The following MAP4 variants were observed in gnomAD, a reference collection of about 807,000 sequenced individuals.
MAP4 encodes the protein microtubule associated protein 4.
In MAP4, 76 loss-of-function variants were observed where a neutral mutation model predicts 170.2. The observed-to-expected ratio is 0.45, with a 90% confidence interval of 0.37 to 0.54. MAP4 has a LOEUF of 0.54. Ranked by LOEUF, MAP4 falls within the 20% of genes least tolerant of loss-of-function variation. MAP4 has a pLI of 0.00. For missense variants in MAP4, 2,506 were observed against 2,748.0 expected (o/e 0.91, Z 1.97); for synonymous variants, 909 against 994.5 (o/e 0.91, Z 1.62).
At chr3:47,888,447 C>A (rs1048554066) in intron 10 of MAP4, among the ~76,000 whole-genome samples, 1 of 152,084 alleles carries the variant, frequency 6.6e-6, no homozygotes. Flanking sequence ...ACAAACCCAC[C>A]GGGAGGAACG....
chr3:47,891,065 T>G (rs546497150), intron 10 of MAP4: 26 of 1,523,834 alleles, frequency 1.7e-5, no homozygotes, highest in Non-Finnish European at 2.2e-5. Context: ...TGGAGTGCTC[T>G]GGGTTGCAGT....
rs765950415 is a variant in MAP4 at position 47,853,318 on chromosome 3, G to C, written c.6731C>G (p.Pro2244Arg). Residue 2244 changes from proline (P) to arginine (R), a missense_variant, in exon 20 of 21, where the codon CCG (proline) becomes CGG (arginine). By Grantham distance (103) the Pro-to-Arg change is moderately radical. Coordinates refer to ENST00000683076, the MANE Select transcript of MAP4 (RefSeq NM_001385682.1). ...EGGGSEAPLC[P>R]GPPAGEEPAI... ...CGGCTCCTCCCCAGCAGGGGGACCCGGACACAGAGGAGCCTCGCTGCCACC... is the reference window on the plus strand; with the variant it reads ...CGGCTCCTCCCCAGCAGGGGGACCCCGACACAGAGGAGCCTCGCTGCCACC... The C allele has an allele frequency of 9.3e-6, 15 of 1,610,572 alleles. No individual in the cohort carries two copies. Among genetic ancestry groups the C allele is most frequent in the Non-Finnish European group, 1.3e-5 (15 of 1,179,490 alleles).
rs765335697 is a variant in MAP4, at chr3:47,916,130, A to T, written c.1697T>A (p.Leu566Gln). ...TTTGGCTGGAGTCACATTGTTGGCC[A>T]GGGTCAGAACCCCATCCTTAGCCAG... Reference protein sequence around the residue: ...APLAKDGVLTLANNVTPAKDV... With the variant: ...APLAKDGVLTQANNVTPAKDV... Residue 566 changes from leucine (L) to glutamine (Q), a missense_variant, in exon 7 of 21, where the codon CTG becomes CAG. Coordinates refer to ENST00000683076, the MANE Select transcript of MAP4 (RefSeq NM_001385682.1). 9 of 1,614,090 alleles carry T rather than the reference A, an allele frequency of 5.6e-6. No individual in the cohort carries two copies. Among genetic ancestry groups the T allele is most frequent in the Non-Finnish European group, 7.6e-6 (9 of 1,180,050 alleles).
At chr3:48,051,088 AT>A (rs2100127552) in intron 1 of MAP4, among the ~76,000 whole-genome samples, 1 of 148,184 alleles carries the variant, frequency 6.7e-6, no homozygotes, top group Non-Finnish European at 1.5e-5. Flanking sequence ...AAACCATTCA[AT>A]TTCCACACAC....
chr3:47,858,029 T>TC (rs2059495422), intron 17 of MAP4, among the ~76,000 whole-genome samples: 2 of 150,312 alleles, frequency 1.3e-5, no homozygotes, highest in Admixed American at 1.3e-4. Flanking sequence ...CACTTTTTTT[T>TC]TTTTTTTTTT....
At chr3:47,919,887 A>C (rs1176088217) in intron 5 of MAP4, among the ~76,000 whole-genome samples, 1 of 151,782 alleles carries the variant, frequency 6.6e-6, no homozygotes, top group African/African-American at 2.4e-5. Flanking sequence ...ACATTAGAAG[A>C]CAATTTTATT....
At chr3:48,076,680 G>A (rs150870968) in intron 1 of MAP4, among the ~76,000 whole-genome samples, 139 of 151,780 alleles carry the variant, frequency 9.2e-4, no homozygotes, top group African/African-American at 3.3e-3. Context: ...CCCTGTCTCG[G>A]AAAGAAGAAA....
At chr3:47,890,367 C>T (rs1488650950) in intron 10 of MAP4, among the ~76,000 whole-genome samples, 2 of 152,184 alleles carry the variant, frequency 1.3e-5, no homozygotes, top group Non-Finnish European at 2.9e-5. Flanking sequence ...CACAAATCCT[C>T]TCAAAACACA....
chr3:47,952,810 A>G (rs2100065317), intron 3 of MAP4, among the ~76,000 whole-genome samples: 1 of 151,916 alleles, frequency 6.6e-6, no homozygotes, highest in African/African-American at 2.4e-5. Flanking sequence ...TGTAGTCCCA[A>G]CTACTCGGGA....
At chr3:47,904,653 CG>C (rs1191174625) in intron 9 of MAP4, among the ~76,000 whole-genome samples, 110 of 11,438 alleles carry the variant, frequency 9.6e-3, no homozygotes, top group African/African-American at 0.038. Context: ...TTTTTTTGGG[CG>C]GGGGGGCTAG....
Position 47,852,836 on chromosome 3 carries a change from A to G in MAP4, c.*98T>C, listed in dbSNP as rs1212052134. On this transcript the variant is annotated 3_prime_UTR_variant, in exon 21 of 21. Transcript: ENST00000683076. ...AGGGGGCCAAGGACCCGGGAGCCCG[A>G]GTTGGGGCCGCCAGGGAAGTGTGGG... The G allele has an allele frequency of 6.4e-7, 1 of 1,554,242 alleles. No individual in the cohort carries two copies. The highest frequency in any genetic ancestry group is 8.7e-7 in the Non-Finnish European group (1 of 1,148,848).
intron 1 of MAP4, among the ~76,000 whole-genome samples, chr3:48,047,461 G>A (rs1266904729): frequency 1.3e-5 from 2 of 152,058 alleles, no homozygotes; most frequent in East Asian, 3.9e-4. Flanking sequence ...TTCGTTTAGG[G>A]GTGGGGAGGA....
At chr3:47,891,352 T>C (rs1187216131) in intron 10 of MAP4, 5 of 1,536,020 alleles carry the variant, frequency 3.3e-6, no homozygotes, top group Non-Finnish European at 4.4e-6. Context: ...GAGGTATCTC[T>C]TTAGTAGACA....
Position 48,066,150 on chromosome 3 carries a change from C to A in MAP4, c.-20+22623G>T, listed in dbSNP as rs542373485. 4.9e-4 allele frequency among the ~76,000 whole-genome samples: 75 copies of A among 152,096 alleles called. No individual in the cohort carries two copies. The South Asian group carries it at 0.01, about 21-fold the overall frequency. Reference sequence around the variant, plus strand: ...CAGGGTCTTTGCTGTTGGTTAGATTCTCAAGGGGATATATACTCATGAAAT... The same window carrying A: ...CAGGGTCTTTGCTGTTGGTTAGATTATCAAGGGGATATATACTCATGAAAT... On this transcript the variant is annotated intron_variant, in intron 1 of 18. Coordinates refer to the MAP4 transcript ENST00000360240.
At chr3:47,975,291 A>G (rs2100081310) in intron 3 of MAP4, 1 of 1,484,084 alleles carries the variant, frequency 6.7e-7, no homozygotes, top group Non-Finnish European at 9.0e-7. Flanking sequence ...TTGTTTGCTC[A>G]GGCATCAGCA....
Position 47,875,788 on chromosome 3 carries a change from G to C in MAP4, c.5654C>G (p.Pro1885Arg). 1 of 1,614,082 alleles carries C rather than the reference G, an allele frequency of 6.2e-7. No individual in the cohort carries two copies. The highest frequency in any genetic ancestry group is 8.5e-7 in the Non-Finnish European group (1 of 1,180,006). The part of the protein sequence containing the change: ...PTTIGGLNKK[P>R]MSLASGLVPA... ...CACTAAGCCTGAAGCAAGGCTCATG[G>C]GTTTTTTATTCAACCCACCAATGGT... The change falls in exon 12 of 21, where the codon CCC becomes CGC. Residue 1885 changes from proline (P) to arginine (R), a missense_variant. Transcript: ENST00000683076.
intron 10 of MAP4, among the ~76,000 whole-genome samples, chr3:47,885,872 G>A (rs1375221542): frequency 5.9e-5 from 9 of 152,118 alleles, no homozygotes; most frequent in Admixed American, 1.3e-4. Flanking sequence ...GGGACTACAG[G>A]CGCCTGCCAC....
chr3:47,999,621 A>G (rs951096151), intron 1 of MAP4, among the ~76,000 whole-genome samples: 1 of 152,162 alleles, frequency 6.6e-6, no homozygotes, highest in Non-Finnish European at 1.5e-5. Context: ...CAAATACCAC[A>G]TGTTCTTACT....
chr3:47,979,178 G>T (rs114878010), intron 2 of MAP4, among the ~76,000 whole-genome samples: 89 of 151,538 alleles, frequency 5.9e-4, no homozygotes, highest in African/African-American at 2.1e-3. Context: ...AATGATGTGG[G>T]TCTAAGTTTC....
Sources: allele counts gnomAD v4.1 joint callset (sites outside exome capture counted in the v4.1 genomes callset), GRCh38; gene constraint gnomAD v4.1.1; transcripts MANE v1.5; gene names NCBI Gene and HGNC (gene_info 2026-07-23, HGNC 2026-07-21).